ZNF726: variants seen among roughly 807,000 people sequenced by gnomAD.
ZNF726 encodes the protein zinc finger protein 92 pseudogene 3.
A neutral mutation model predicts 11.6 loss-of-function variants in ZNF726; 15 were observed. That is an observed-to-expected ratio of 1.29 (90% CI 0.86 to 1.99). The LOEUF is 1.99. Ranked by LOEUF, ZNF726 falls within the 30% of genes most tolerant of loss-of-function variation. The probability of loss-of-function intolerance (pLI) is 0.00; values close to 1 mark genes in which losing one functional copy is unlikely to be tolerated. For synonymous variants in ZNF726, 295 were observed against 243.6 expected (o/e 1.21, Z -1.96); for missense variants, 890 against 725.6 (o/e 1.23, Z -2.60).
At chr19:23,929,992 C>T (rs1315232566) in intron 3 of ZNF726, among the ~76,000 whole-genome samples, 2 of 152,124 alleles carry the variant, frequency 1.3e-5, no homozygotes, top group African/African-American at 4.8e-5. Flanking sequence ...TAGAGTCTCA[C>T]TGTATTACTC....
Position 23,933,268 on chromosome 19 carries a change from A to G in ZNF726, c.1152A>G (p.Leu384=). 4 of 1,612,624 alleles carry G rather than the reference A, an allele frequency of 2.5e-6. No homozygotes were observed. Among genetic ancestry groups the G allele is most frequent in the Non-Finnish European group, 3.4e-6 (4 of 1,179,816 alleles). Reference sequence around the variant, plus strand: ...AAGCATTTATATGGCCCTCAACCCTAACTAAACATAAGAGGATTCACACTG... The same window carrying G: ...AAGCATTTATATGGCCCTCAACCCTGACTAAACATAAGAGGATTCACACTG... ...CGKAFIWPST[L]TKHKRIHTGE... Residue 384 remains leucine, a synonymous_variant, in exon 4 of 4, where the codon CTA becomes CTG. Coordinates refer to ENST00000594466, the MANE Select transcript of ZNF726 (RefSeq NM_001244038.2).
downstream of ZNF726, among the ~76,000 whole-genome samples, chr19:23,934,949 C>T (rs1456383158): frequency 6.6e-6 from 1 of 152,232 alleles, no homozygotes; most frequent in Non-Finnish European, 1.5e-5. Flanking sequence ...TATAAAGAGC[C>T]TGGTCCCTTT....
At chr19:23,921,336 C>T (rs1158530033) in intron 3 of ZNF726, 2 of 152,202 alleles carry the variant, frequency 1.3e-5, no homozygotes, top group Admixed American at 6.6e-5. Flanking sequence ...AGTATAATGT[C>T]CTTCTGCTTT....
intron 1 of ZNF726, 42 bp from the exon 2 acceptor site, chr19:23,919,331 A>C (rs1446526784): frequency 3.8e-6 from 6 of 1,590,036 alleles, no homozygotes; most frequent in Non-Finnish European, 5.1e-6. Context: ...AATTCTGCCC[A>C]TAGCCACTTT....
chr19:23,940,067 GC>G (rs1262139346), intron 3 of ZNF726, among the ~76,000 whole-genome samples: 4 of 151,880 alleles, frequency 2.6e-5, no homozygotes, highest in South Asian at 4.2e-4. Flanking sequence ...TACTGCGTTT[GC>G]TTTTGGTCAT....
chr19:23,932,315 G>T, intron 3 of ZNF726, 28 bp from the exon 4 acceptor site: 1 of 1,296,262 alleles, frequency 7.7e-7, no homozygotes, highest in Non-Finnish European at 9.9e-7. Flanking sequence ...TATAGTAAGT[G>T]GAGTAAATTA....
Position 23,933,018 on chromosome 19 carries a change from C to G in ZNF726, c.902C>G (p.Thr301Ser). ...GKAFSQPSAL[T>S]IHKRMHIGEK... Reference sequence around the variant, plus strand: ...GCATTTAGCCAACCCTCAGCACTAACCATACATAAGAGGATGCACATTGGA... The same window carrying G: ...GCATTTAGCCAACCCTCAGCACTAAGCATACATAAGAGGATGCACATTGGA... Residue 301 changes from threonine to serine, a missense_variant, in exon 4 of 4, where the codon ACC becomes AGC. Physicochemically the swap from Thr to Ser is moderately conservative, Grantham distance 58. Transcript: ENST00000594466. 1 of 1,613,106 alleles carries G rather than the reference C, an allele frequency of 6.2e-7. No individual in the cohort carries two copies. The highest frequency in any genetic ancestry group is 8.5e-7 in the Non-Finnish European group (1 of 1,179,914).
At chr19:23,917,493 G>GA (rs11297783) in intron 1 of ZNF726, among the ~76,000 whole-genome samples, 3,189 of 139,906 alleles carry the variant, frequency 0.023, 70 homozygotes, top group African/African-American at 0.057. Flanking sequence ...AAGAAAAAAA[G>GA]AAAAAAAAAA....
chr19:23,933,476 A>G lies in ZNF726; in HGVS notation c.1360A>G (p.Lys454Glu), dbSNP rs762956998. The G allele has an allele frequency of 7.4e-6, 12 of 1,612,532 alleles. No individual in the cohort carries two copies. The Admixed American group carries it at 1.0e-4, about 13-fold the overall frequency. Residue 454 changes from lysine (K) to glutamate (E), a missense_variant, in exon 4 of 4, where the codon AAA becomes GAA. Physicochemically the swap from Lys to Glu is moderately conservative, Grantham distance 56. Transcript: ENST00000594466. ...AATTCATACTAGAGAGAAACCCTAC[A>G]AATGTGAAGAATGTAGTAAAGCATT... ...KKIHTREKPY[K>E]CEECSKAFSR...
Position 23,933,172 on chromosome 19 carries a change from A to T in ZNF726, c.1056A>T (p.Gln352His), listed in dbSNP as rs752209914. 3 of 1,601,502 alleles carry T rather than the reference A, an allele frequency of 1.9e-6. No homozygotes were observed. The highest frequency in any genetic ancestry group is 2.7e-5 in the African/African-American group (2 of 74,230). ...KCEECAKAFS[Q>H]FGHLTTHRII... ...AAGAATGTGCCAAAGCTTTTAGCCA[A>T]TTCGGACACCTTACTACACATAGGA... The change falls in exon 4 of 4, where the codon CAA (glutamine) becomes CAT (histidine). Residue 352 changes from glutamine to histidine, a missense_variant. Physicochemically the swap from Gln to His is conservative, Grantham distance 24. Transcript: ENST00000594466.
At chr19:23,917,493 G>GAA (rs11297783) in intron 1 of ZNF726, among the ~76,000 whole-genome samples, 43 of 139,918 alleles carry the variant, frequency 3.1e-4, no homozygotes, top group African/African-American at 1.0e-3. Flanking sequence ...AAGAAAAAAA[G>GAA]AAAAAAAAAA....
chr19:23,933,927 G>T lies in ZNF726; in HGVS notation c.1811G>T (p.Trp604Leu), dbSNP rs776008178. Residue 604 changes from tryptophan (W) to leucine (L), a missense_variant, in exon 4 of 4, where the codon TGG becomes TTG. Physicochemically the swap from Trp to Leu is moderately conservative, Grantham distance 61. Transcript: ENST00000594466. ...GACGAATGTGGCAAATCATTTATCT[G>T]GTCCTCAACCCTTTTTAAGCATAAG... ...KCDECGKSFI[W>L]SSTLFKHKRI... 3.3e-5 allele frequency: 52 copies of T among 1,583,814 alleles called. No individual in the cohort carries two copies. Among genetic ancestry groups the T allele is most frequent in the Non-Finnish European group, 4.2e-5 (49 of 1,164,852 alleles).
chr19:23,938,216 A>G (rs1968278445), downstream of ZNF726, among the ~76,000 whole-genome samples: 1 of 152,102 alleles, frequency 6.6e-6, no homozygotes, highest in Admixed American at 6.5e-5. Context: ...TATTTTTCTT[A>G]ATTTTTGTGG....
intron 3 of ZNF726, among the ~76,000 whole-genome samples, chr19:23,927,112 G>T (rs1968006051): frequency 1.3e-5 from 2 of 151,908 alleles, no homozygotes; most frequent in African/African-American, 4.8e-5. Context: ...AGAGTAGCTG[G>T]GATTACATGC....
chr19:23,943,116 G>T (rs1018426308), intron 3 of ZNF726, among the ~76,000 whole-genome samples: 1 of 152,152 alleles, frequency 6.6e-6, no homozygotes, highest in Non-Finnish European at 1.5e-5. Context: ...CACCTCCCAG[G>T]TTCAAGCGAT....
chr19:23,938,593 T>C (rs1968285735), downstream of ZNF726, among the ~76,000 whole-genome samples: 2 of 150,338 alleles, frequency 1.3e-5, no homozygotes, highest in Admixed American at 6.6e-5. Context: ...TTAATAGTTT[T>C]TTTTTCTTTT....
At chr19:23,926,335 A>G (rs1393431602) in intron 3 of ZNF726, among the ~76,000 whole-genome samples, 1 of 152,020 alleles carries the variant, frequency 6.6e-6, no homozygotes, top group South Asian at 2.1e-4. Context: ...TGGGCGGATC[A>G]TAAGGACAGG....
chr19:23,937,543 G>A (rs1055155671), downstream of ZNF726, among the ~76,000 whole-genome samples: 6 of 151,520 alleles, frequency 4.0e-5, no homozygotes, highest in African/African-American at 9.7e-5. Context: ...CATCTCAGAC[G>A]ATGGGCAGCC....
At chr19:23,925,288 A>G (rs750649880) in intron 3 of ZNF726, among the ~76,000 whole-genome samples, 3 of 152,146 alleles carry the variant, frequency 2.0e-5, no homozygotes, top group Non-Finnish European at 4.4e-5. Context: ...AATTTATATT[A>G]TTTGAAGTAC....
Sources: allele counts gnomAD v4.1 joint callset (sites outside exome capture counted in the v4.1 genomes callset), GRCh38; gene constraint gnomAD v4.1.1; transcripts MANE v1.5; gene names NCBI Gene and HGNC (gene_info 2026-07-23, HGNC 2026-07-21).